FRMD3: variants seen among roughly 807,000 people sequenced by gnomAD.
The protein encoded by FRMD3 is FERM domain containing 3, also known as FERM domain-containing protein 3.
A neutral mutation model predicts 70.2 loss-of-function variants in FRMD3; 33 were observed. The observed-to-expected ratio is 0.47, with a 90% CI of 0.36 to 0.63. FRMD3 has a LOEUF of 0.63. Ranked by LOEUF, FRMD3 falls within the 20% of genes least tolerant of loss-of-function variation. FRMD3 has a pLI of 0.00. For synonymous variants in FRMD3, 279 were observed against 255.9 expected, an observed-to-expected ratio of 1.09 and a Z score of -0.86; for missense variants, 632 against 711.4, an observed-to-expected ratio of 0.89 and a Z score of 1.27.
At position 83,429,649 on chromosome 9, in the gene FRMD3, C is replaced by T. The variant is rs1274356957; in HGVS notation, c.148-39941G>A. ...TGAGATAATCATGCTTCTTCCTGGG[C>T]CTTCGTGAGGCTTCTGTGAGAATGT... On this transcript the variant is annotated intron_variant, in intron 1 of 13. Transcript: ENST00000304195. Among the ~76,000 whole-genome samples, 5 of 152,166 alleles carry T rather than the reference C, an allele frequency of 3.3e-5. No individual in the cohort carries two copies. The South Asian group carries it at 6.2e-4, about 19-fold the overall frequency.
At chr9:83,296,096 T>C (rs1834651453) in intron 12 of FRMD3, among the ~76,000 whole-genome samples, 1 of 152,222 alleles carries the variant, frequency 6.6e-6, no homozygotes, top group African/African-American at 2.4e-5. Context: ...GACTATCACC[T>C]CTGAACGCCC....
rs1233818102 is a variant in FRMD3 at position 83,316,146 on chromosome 9, CTCTTTTTTTTTTT to C, written c.597-2412_597-2400del. 5.0e-5 allele frequency among the ~76,000 whole-genome samples: 7 copies of C among 140,756 alleles called. No homozygotes were observed. The East Asian group carries it at 6.0e-4, about 12-fold the overall frequency. 92.3% of individuals were successfully genotyped at this position (140,756 alleles called of 152,430 possible). ...CATATATGCCACCTTATTCTTTTTT[CTCTTTTTTTTTTT>C]TCTTTTTTTTTTTTTTTGAGACAGA... On this transcript the variant is annotated intron_variant, in intron 6 of 13. Coordinates refer to ENST00000304195, the MANE Select transcript of FRMD3 (RefSeq NM_174938.6).
At chr9:83,473,906 G>A (rs1828331573) in intron 1 of FRMD3, among the ~76,000 whole-genome samples, 1 of 152,182 alleles carries the variant, frequency 6.6e-6, no homozygotes, top group Non-Finnish European at 1.5e-5. Flanking sequence ...ACAGTAAGGT[G>A]ATGAAATCTT....
chr9:83,496,073 T>C (rs543105893), intron 1 of FRMD3, among the ~76,000 whole-genome samples: 15 of 152,334 alleles, frequency 9.8e-5, no homozygotes, highest in African/African-American at 2.9e-4. Context: ...TACACTAGCA[T>C]AATGAATTAT....
intron 13 of FRMD3, among the ~76,000 whole-genome samples, chr9:83,275,709 T>G (rs975220433): frequency 6.6e-6 from 1 of 152,070 alleles, no homozygotes; most frequent in African/African-American, 2.4e-5. Context: ...ACCCTTACAC[T>G]CAACAGCCCA....
intron 1 of FRMD3, among the ~76,000 whole-genome samples, chr9:83,445,752 T>C (rs1827442698): frequency 6.6e-6 from 1 of 152,200 alleles, no homozygotes; most frequent in Admixed American, 6.5e-5. Context: ...GTTTGCACTT[T>C]GAGGAATTGC....
At chr9:83,280,672 T>C (rs969496807) in intron 13 of FRMD3, among the ~76,000 whole-genome samples, 10 of 152,246 alleles carry the variant, frequency 6.6e-5, no homozygotes, top group African/African-American at 2.2e-4. Flanking sequence ...GAAAAAATAT[T>C]TGTGCATACA....
the FRMD3 span, among the ~76,000 whole-genome samples, chr9:83,581,771 T>C: frequency 6.6e-6 from 1 of 152,210 alleles, no homozygotes; most frequent in Non-Finnish European, 1.5e-5. Context: ...CAATAGCATA[T>C]TATTTTGCAA....
rs111672409 is a variant in FRMD3 at position 83,363,704 on chromosome 9, G to A, written c.295+9209C>T. On this transcript the variant is annotated intron_variant, in intron 3 of 13. Coordinates refer to ENST00000304195, the MANE Select transcript of FRMD3 (RefSeq NM_174938.6). The stretch of plus-strand genomic sequence containing the variant: ...TGAGTAGCTGGGACTACAGGCGCCC[G>A]CCACCTCGCCCGGCTAATTTTTTGT... Among the ~76,000 whole-genome samples, 59 of 152,098 alleles carry A rather than the reference G, an allele frequency of 3.9e-4. 1 individual carries two copies. In the South Asian group the frequency reaches 0.01, roughly 26 times the overall value.
chr9:83,294,999 T>C (rs974179001), intron 12 of FRMD3, among the ~76,000 whole-genome samples: 6 of 152,164 alleles, frequency 3.9e-5, no homozygotes, highest in Non-Finnish European at 8.8e-5. Flanking sequence ...GCCATGTTTC[T>C]CCACTCTCAG....
the FRMD3 span, among the ~76,000 whole-genome samples, chr9:83,578,148 A>G: frequency 6.6e-6 from 1 of 151,912 alleles, no homozygotes; most frequent in Non-Finnish European, 1.5e-5. Flanking sequence ...AAAAATCTGA[A>G]CAGACCAATA....
chr9:83,332,513 T>C (rs935246763), intron 6 of FRMD3, among the ~76,000 whole-genome samples: 3 of 152,086 alleles, frequency 2.0e-5, no homozygotes, highest in African/African-American at 7.2e-5. Flanking sequence ...TTCTCTCTCA[T>C]TAATTTTCTG....
chr9:83,401,890 C>T (rs185120454), intron 1 of FRMD3, among the ~76,000 whole-genome samples: 21 of 152,206 alleles, frequency 1.4e-4, no homozygotes, highest in Admixed American at 2.6e-4. Context: ...ATCCTAATAG[C>T]GATCACACTA....
intron 1 of FRMD3, among the ~76,000 whole-genome samples, chr9:83,406,271 C>G (rs944136617): frequency 4.6e-5 from 7 of 152,120 alleles, no homozygotes; most frequent in African/African-American, 1.7e-4. Flanking sequence ...CTGTGAAGGG[C>G]CTCCCAATCT....
chr9:83,521,358 C>T (rs947507707), intron 1 of FRMD3, among the ~76,000 whole-genome samples: 1 of 152,100 alleles, frequency 6.6e-6, no homozygotes, highest in African/African-American at 2.4e-5. Context: ...ATAGTGGCAC[C>T]ACTTGTAGTC....
chr9:83,482,362 T>G (rs1451806695), intron 1 of FRMD3, among the ~76,000 whole-genome samples: 1 of 152,226 alleles, frequency 6.6e-6, no homozygotes, highest in Non-Finnish European at 1.5e-5. Flanking sequence ...GTCTGTCAGG[T>G]GGTCAACAGC....
In FRMD3 at chr9:83,382,860, A is replaced by T. The variant is rs1024956852; in HGVS notation, c.252+6744T>A. On this transcript the variant is annotated intron_variant, in intron 2 of 13. Coordinates refer to ENST00000304195, the MANE Select transcript of FRMD3 (RefSeq NM_174938.6). Reference sequence around the variant, plus strand: ...CATCTGTGGCCCAAACCTCCTCTTTAATCTTCAGACCTATATTGTCATCTA... The same window carrying T: ...CATCTGTGGCCCAAACCTCCTCTTTTATCTTCAGACCTATATTGTCATCTA... Among the ~76,000 whole-genome samples, 113 of 151,994 alleles carry T rather than the reference A, an allele frequency of 7.4e-4. 7 individuals carry two copies. The highest frequency in any genetic ancestry group is 2.9e-5 in the Non-Finnish European group (2 of 68,012).
At chr9:83,522,861 C>T (rs1829606537) in intron 1 of FRMD3, among the ~76,000 whole-genome samples, 1 of 152,094 alleles carries the variant, frequency 6.6e-6, no homozygotes. Flanking sequence ...CCGCGCCCAG[C>T]CCGATATATT....
Position 83,245,956 on chromosome 9 carries a change from CTTTA to C in FRMD3, c.*1958_*1961del. 1 of 982,032 alleles carries C rather than the reference CTTTA, an allele frequency of 1.0e-6. No individual in the cohort carries two copies. Among genetic ancestry groups the C allele is most frequent in the Non-Finnish European group, 1.2e-6 (1 of 826,878 alleles). 60.8% of individuals were successfully genotyped at this position (982,032 alleles called of 1,614,324 possible). On this transcript the variant is annotated 3_prime_UTR_variant, in exon 14 of 14. Transcript: ENST00000304195. The stretch of plus-strand genomic sequence containing the variant: ...AACTTTCAGGTAATAAACAAACAAT[CTTTA>C]TTTAAAAAGCAAAATAAATCACTGA...
Sources: allele counts gnomAD v4.1 joint callset (sites outside exome capture counted in the v4.1 genomes callset), GRCh38; gene constraint gnomAD v4.1.1; transcripts MANE v1.5; gene names NCBI Gene and HGNC (gene_info 2026-07-23, HGNC 2026-07-21).